Variants in XRRA1 observed in about 807,000 individuals in gnomAD.
The protein encoded by XRRA1 is X-ray radiation resistance-associated protein 1.
In XRRA1, 69 loss-of-function variants were observed where a neutral mutation model predicts 80.2. The observed-to-expected ratio is 0.86, with a 90% CI of 0.71 to 1.05. The LOEUF (loss-of-function observed/expected upper bound fraction) is 1.05, where lower values mean the gene tolerates loss of function less well. Ranked by LOEUF, XRRA1 falls within the 50% of genes least tolerant of loss-of-function variation. The pLI is 0.00. For missense variants in XRRA1, 967 were observed against 976.4 expected (o/e 0.99, Z 0.13); for synonymous variants, 348 against 389.9 (o/e 0.89, Z 1.27).
chr11:74,892,776 A>C (rs1167832201), intron 10 of XRRA1, among the ~76,000 whole-genome samples: 7 of 152,100 alleles, frequency 4.6e-5, no homozygotes, highest in Admixed American at 2.6e-4. Flanking sequence ...AAAAGAAGAC[A>C]TTTATGCAGC....
At chr11:74,944,506 T>A (rs900459746) in intron 2 of XRRA1, among the ~76,000 whole-genome samples, 3 of 152,242 alleles carry the variant, frequency 2.0e-5, no homozygotes, top group African/African-American at 7.2e-5. Context: ...AATGAATCAA[T>A]GTTGGTACCT....
intron 10 of XRRA1, among the ~76,000 whole-genome samples, chr11:74,893,860 CAG>C (rs2051489959): frequency 1.3e-5 from 2 of 152,156 alleles, no homozygotes. Context: ...AACTTAAAAA[CAG>C]AATTACTATT....
At chr11:74,852,136 C>T in intron 12 of XRRA1, 54 bp from the exon 13 acceptor site, 1 of 1,471,726 alleles carries the variant, frequency 6.8e-7, no homozygotes. Flanking sequence ...CACCTCTACC[C>T]AGGTATGTCT....
intron 10 of XRRA1, among the ~76,000 whole-genome samples, chr11:74,879,457 T>A (rs2046925824): frequency 6.6e-6 from 1 of 152,174 alleles, no homozygotes; most frequent in Non-Finnish European, 1.5e-5. Context: ...ACCCTTTATT[T>A]CCTTCTCCTG....
intron 10 of XRRA1, among the ~76,000 whole-genome samples, chr11:74,894,693 A>C (rs2051777627): frequency 6.6e-6 from 1 of 152,196 alleles, no homozygotes; most frequent in South Asian, 2.1e-4. Flanking sequence ...CTGGGTGGGG[A>C]TTATGGGGAT....
intron 1 of XRRA1, among the ~76,000 whole-genome samples, chr11:74,947,640 C>A (rs970932792): frequency 6.6e-6 from 1 of 152,284 alleles, no homozygotes; most frequent in African/African-American, 2.4e-5. Context: ...TAAACTGCAA[C>A]AACAAGCTAC....
At chr11:74,859,432 A>G (rs1440186933) in intron 11 of XRRA1, 149 bp from the exon 12 acceptor site, 20 of 861,394 alleles carry the variant, frequency 2.3e-5, no homozygotes, top group Non-Finnish European at 3.4e-5. Flanking sequence ...ATAAGGGTAG[A>G]TGTCGCCATC....
intron 10 of XRRA1, among the ~76,000 whole-genome samples, chr11:74,891,429 A>C (rs1171530744): frequency 6.6e-6 from 1 of 152,192 alleles, no homozygotes; most frequent in Non-Finnish European, 1.5e-5. Flanking sequence ...TATTTATGAC[A>C]AACCCACAGC....
chr11:74,858,486 A>C (rs1224428966), intron 12 of XRRA1, among the ~76,000 whole-genome samples: 1 of 152,256 alleles, frequency 6.6e-6, no homozygotes, highest in Non-Finnish European at 1.5e-5. Context: ...CTTGCTGTAG[A>C]GGAATGTAAG....
intron 1 of XRRA1, among the ~76,000 whole-genome samples, chr11:74,947,495 A>G (rs1947826978): frequency 6.6e-6 from 1 of 152,054 alleles, no homozygotes; most frequent in African/African-American, 2.4e-5. Flanking sequence ...CCAAGATCCC[A>G]CCACTGCACT....
Position 74,933,810 on chromosome 11 carries a change from C to T in XRRA1, c.342G>A (p.Lys114=), listed in dbSNP as rs1944247107. The change falls in exon 5 of 19, where the codon AAG becomes AAA. Residue 114 remains lysine, a synonymous_variant. Coordinates refer to ENST00000684022, the MANE Select transcript of XRRA1 (RefSeq NM_001378157.1). ...DLCTINVSGL[K]FSKAKENDFK... Reference sequence around the variant, plus strand: ...TGCTGGCTGACCTCACCTTGGAGAACTTCAGGCCACTCACATTAATGGTGC... The same window carrying T: ...TGCTGGCTGACCTCACCTTGGAGAATTTCAGGCCACTCACATTAATGGTGC... 2.5e-6 allele frequency: 4 copies of T among 1,594,986 alleles called. No homozygotes were observed. In the East Asian group the frequency reaches 6.8e-5, roughly 27 times the overall value.
chr11:74,845,575 G>A (rs1565212129), intron 15 of XRRA1, among the ~76,000 whole-genome samples: 1 of 152,198 alleles, frequency 6.6e-6, no homozygotes, highest in Non-Finnish European at 1.5e-5. Context: ...ACGGAGCAAT[G>A]GGGAGAGGTG....
chr11:74,870,899 A>G (rs76812859), intron 10 of XRRA1, among the ~76,000 whole-genome samples: 3,746 of 152,342 alleles, frequency 0.025, 165 homozygotes, highest in African/African-American at 0.085. Context: ...TTCAGTTCCT[A>G]CATTCTTTTA....
At chr11:74,850,158 A>G (rs1262551690) in intron 14 of XRRA1, among the ~76,000 whole-genome samples, 1 of 152,220 alleles carries the variant, frequency 6.6e-6, no homozygotes, top group East Asian at 1.9e-4. Context: ...TAGGACCCAC[A>G]CTAACTTTTA....
At chr11:74,938,544 C>T (rs1001803459) in intron 3 of XRRA1, among the ~76,000 whole-genome samples, 1 of 152,172 alleles carries the variant, frequency 6.6e-6, no homozygotes, top group African/African-American at 2.4e-5. Flanking sequence ...TAATTTTATC[C>T]ATCAACTTTG....
chr11:74,946,813 G>A (rs912041940), intron 1 of XRRA1, among the ~76,000 whole-genome samples: 6 of 150,520 alleles, frequency 4.0e-5, no homozygotes, highest in African/African-American at 7.4e-5. Context: ...GTGCAGTGTC[G>A]CTATCTCAGC....
chr11:74,925,923 A>G (rs1334691304), intron 7 of XRRA1, among the ~76,000 whole-genome samples: 1 of 152,262 alleles, frequency 6.6e-6, no homozygotes. Context: ...AGAAGCTCCC[A>G]GGCTCAAAGG....
At chr11:74,858,151 C>G (rs182488648) in intron 12 of XRRA1, among the ~76,000 whole-genome samples, 170 of 152,174 alleles carry the variant, frequency 1.1e-3, no homozygotes, top group African/African-American at 4.0e-3. Flanking sequence ...AAACCAGCAG[C>G]TAGTTTAATA....
At chr11:74,880,557 G>A (rs1442971656) in intron 10 of XRRA1, among the ~76,000 whole-genome samples, 1 of 149,974 alleles carries the variant, frequency 6.7e-6, no homozygotes, top group Non-Finnish European at 1.5e-5. Flanking sequence ...TGATGTTAGG[G>A]TGTCAATTTT....
Sources: gnomAD v4.1 joint callset for allele counts (sites outside exome capture counted in the v4.1 genomes callset) on GRCh38, gnomAD v4.1.1 for gene constraint, MANE v1.5 for transcripts, NCBI Gene and HGNC (gene_info 2026-07-23, HGNC 2026-07-21) for gene names.